Variants in POU6F2 observed in about 807,000 individuals in gnomAD.
POU6F2 encodes POU class 6 homeobox 2.
Under a neutral mutation model 71.3 loss-of-function variants are expected in POU6F2, and 31 were observed. That is an observed-to-expected ratio of 0.43 (90% CI 0.33 to 0.59). The LOEUF is 0.59. POU6F2 is among the 20% of genes least tolerant of loss of function. The pLI is 0.04. For missense variants in POU6F2, 783 were observed against 856.8 expected (o/e 0.91, Z 1.07); for synonymous variants, 347 against 355.7 (o/e 0.98, Z 0.27).
In POU6F2 at chr7:39,091,511, A is replaced by G. The variant is rs374172680; in HGVS notation, c.277+5480A>G. 1.2e-4 allele frequency among the ~76,000 whole-genome samples: 19 copies of G among 152,332 alleles called. No individual in the cohort carries two copies. In the East Asian group the frequency reaches 3.5e-3, roughly 28 times the overall value. ...GTCATTAAACGGTCCTAAAAACAAC[A>G]GGAAATAAGGTATTAGAAATGAGAT... On this transcript the variant is annotated intron_variant, in intron 2 of 9. Transcript: ENST00000518318.
intron 4 of POU6F2, among the ~76,000 whole-genome samples, chr7:39,241,113 T>C (rs1783719393): frequency 6.6e-6 from 1 of 152,104 alleles, no homozygotes; most frequent in Admixed American, 6.6e-5. Flanking sequence ...TCACTTCTTA[T>C]TGGCTGGAAT....
chr7:39,098,029 T>C (rs1791488783), intron 2 of POU6F2, among the ~76,000 whole-genome samples: 1 of 152,202 alleles, frequency 6.6e-6, no homozygotes, highest in Non-Finnish European at 1.5e-5. Flanking sequence ...AATGTTTTCG[T>C]CACAGGGTTT....
intron 4 of POU6F2, among the ~76,000 whole-genome samples, chr7:39,314,033 G>A (rs1785215642): frequency 2.0e-5 from 3 of 152,166 alleles, no homozygotes; most frequent in Admixed American, 2.0e-4. Context: ...ATGCACACAT[G>A]AGATTCTGTG....
intron 5 of POU6F2, among the ~76,000 whole-genome samples, chr7:39,344,366 C>G (rs1401633065): frequency 2.6e-5 from 4 of 152,148 alleles, no homozygotes; most frequent in African/African-American, 9.7e-5. Flanking sequence ...AGTTACCACT[C>G]AGGCACAGCA....
intron 4 of POU6F2, among the ~76,000 whole-genome samples, chr7:39,227,132 G>A (rs533369323): frequency 6.6e-6 from 1 of 152,268 alleles, no homozygotes; most frequent in Non-Finnish European, 1.5e-5. Flanking sequence ...AACCACAGCT[G>A]AATATAGGTA....
At chr7:39,255,288 A>G (rs1783999938) in intron 4 of POU6F2, among the ~76,000 whole-genome samples, 1 of 152,250 alleles carries the variant, frequency 6.6e-6, no homozygotes, top group African/African-American at 2.4e-5. Flanking sequence ...TGAGAAGGTC[A>G]CAGCTATTAT....
intron 2 of POU6F2, among the ~76,000 whole-genome samples, chr7:39,142,725 G>A (rs1284404500): frequency 6.6e-6 from 1 of 152,076 alleles, no homozygotes; most frequent in Non-Finnish European, 1.5e-5. Context: ...GCTTATTTGA[G>A]CTTCTCTTTT....
At chr7:39,264,790 G>A (rs937910094) in intron 4 of POU6F2, among the ~76,000 whole-genome samples, 1 of 152,154 alleles carries the variant, frequency 6.6e-6, no homozygotes, top group African/African-American at 2.4e-5. Flanking sequence ...ATACATATAT[G>A]TGTGTACAGA....
intron 1 of POU6F2, chr7:39,006,934 T>G: frequency 3.4e-5 from 51 of 1,488,684 alleles, no homozygotes; most frequent in Non-Finnish European, 4.2e-5. Flanking sequence ...TCTGTGAGTT[T>G]ATTGTATAAA....
chr7:39,282,384 C>G (rs1784577044), intron 4 of POU6F2, among the ~76,000 whole-genome samples: 1 of 152,000 alleles, frequency 6.6e-6, no homozygotes, highest in Non-Finnish European at 1.5e-5. Context: ...TGTCATGAAT[C>G]ATTTCCTCTA....
chr7:39,096,825 C>A (rs755281667), intron 2 of POU6F2, among the ~76,000 whole-genome samples: 1 of 152,116 alleles, frequency 6.6e-6, no homozygotes, highest in Non-Finnish European at 1.5e-5. Flanking sequence ...TATGTTTGAA[C>A]GTTTAGCAAG....
chr7:39,349,289 C>T (rs1042470579), intron 5 of POU6F2, among the ~76,000 whole-genome samples: 1 of 152,156 alleles, frequency 6.6e-6, no homozygotes, highest in Non-Finnish European at 1.5e-5. Flanking sequence ...TCTTGGAGAC[C>T]TTCTCTTCCA....
intron 2 of POU6F2, among the ~76,000 whole-genome samples, chr7:39,138,505 G>A (rs1792430604): frequency 6.6e-6 from 1 of 152,078 alleles, no homozygotes; most frequent in African/African-American, 2.4e-5. Context: ...ATTCTCATAG[G>A]AGCACAAACC....
intron 2 of POU6F2, among the ~76,000 whole-genome samples, chr7:39,091,654 T>G (rs1364292793): frequency 6.6e-6 from 1 of 152,208 alleles, no homozygotes; most frequent in Admixed American, 6.5e-5. Flanking sequence ...CCCAGCCCAG[T>G]TTATGTCATA....
chr7:39,333,052 C>A (rs1785689306), intron 4 of POU6F2, among the ~76,000 whole-genome samples: 1 of 152,092 alleles, frequency 6.6e-6, no homozygotes, highest in Non-Finnish European at 1.5e-5. Flanking sequence ...ATAAAGAGAC[C>A]TCAGCAAGCA....
At chr7:39,104,227 T>G (rs1380319818) in intron 2 of POU6F2, among the ~76,000 whole-genome samples, 1 of 152,250 alleles carries the variant, frequency 6.6e-6, no homozygotes, top group Admixed American at 6.5e-5. Context: ...GCTCCCATTA[T>G]TTATTGCTGC....
intron 2 of POU6F2, among the ~76,000 whole-genome samples, chr7:39,178,782 C>G (rs1285968998): frequency 6.6e-6 from 1 of 152,192 alleles, no homozygotes; most frequent in Non-Finnish European, 1.5e-5. Flanking sequence ...CTCGTGTCCT[C>G]TGTTGACTGC....
chr7:39,238,858 TA>T (rs977467548), intron 4 of POU6F2, among the ~76,000 whole-genome samples: 24 of 152,084 alleles, frequency 1.6e-4, no homozygotes, highest in Admixed American at 6.6e-5. Context: ...AGTACAGTAA[TA>T]AAAAGAATGA....
intron 1 of POU6F2, among the ~76,000 whole-genome samples, chr7:39,070,086 A>G (rs905247720): frequency 4.6e-5 from 7 of 152,190 alleles, no homozygotes; most frequent in African/African-American, 9.7e-5. Flanking sequence ...TAATAATCCA[A>G]TTAAGCCTGA....
Sources: allele counts gnomAD v4.1 joint callset (sites outside exome capture counted in the v4.1 genomes callset), GRCh38; gene constraint gnomAD v4.1.1; transcripts MANE v1.5; gene names NCBI Gene and HGNC (gene_info 2026-07-23, HGNC 2026-07-21).